PLA2G4A: variants seen among roughly 807,000 people sequenced by gnomAD.
The protein encoded by PLA2G4A is phospholipase A2 group IVA, also known as cytosolic phospholipase A2.
In PLA2G4A, 40 loss-of-function variants were observed where a neutral mutation model predicts 81.9. That is an observed-to-expected ratio of 0.49 (90% confidence interval 0.38 to 0.64). The LOEUF (loss-of-function observed/expected upper bound fraction) is 0.64, where lower values mean the gene tolerates loss of function less well. Among genes scored for constraint, PLA2G4A ranks in the 30% least tolerant of loss-of-function variants. The probability of loss-of-function intolerance (pLI) is 0.00; values close to 1 mark genes in which losing one functional copy is unlikely to be tolerated. For synonymous variants in PLA2G4A, 302 were observed against 296.9 expected (o/e 1.02, Z -0.18); for missense variants, 715 against 905.1 (o/e 0.79, Z 2.69).
intron 5 of PLA2G4A, among the ~76,000 whole-genome samples, chr1:186,896,129 G>A (rs749357225): frequency 6.6e-6 from 1 of 151,924 alleles, no homozygotes; most frequent in African/African-American, 2.4e-5. Context: ...GTGATTAAAA[G>A]TATGTTAATA....
chr1:186,925,755 T>C (rs955710757), intron 7 of PLA2G4A, among the ~76,000 whole-genome samples: 3 of 152,208 alleles, frequency 2.0e-5, no homozygotes, highest in African/African-American at 4.8e-5. Context: ...ATATGAACAT[T>C]CTCTTCTCAG....
At chr1:186,877,790 G>A (rs1309835067) in intron 3 of PLA2G4A, among the ~76,000 whole-genome samples, 1 of 148,252 alleles carries the variant, frequency 6.7e-6, no homozygotes, top group Non-Finnish European at 1.5e-5. Context: ...TTGGATGAAT[G>A]AGTAAAATAT....
At chr1:186,950,400 A>C (rs1656513759) in intron 12 of PLA2G4A, among the ~76,000 whole-genome samples, 2 of 152,186 alleles carry the variant, frequency 1.3e-5, no homozygotes, top group Non-Finnish European at 2.9e-5. Context: ...TATGATAAAC[A>C]TAAAATTATC....
At chr1:186,973,891 G>T (rs1190867919) in intron 15 of PLA2G4A, among the ~76,000 whole-genome samples, 3 of 152,018 alleles carry the variant, frequency 2.0e-5, no homozygotes, top group African/African-American at 7.2e-5. Flanking sequence ...TTACCTACAT[G>T]CTTATATGCC....
intron 1 of PLA2G4A, among the ~76,000 whole-genome samples, chr1:186,847,414 C>T (rs889613492): frequency 1.3e-5 from 2 of 150,414 alleles, no homozygotes; most frequent in South Asian, 2.1e-4. Flanking sequence ...TAATTCTGCC[C>T]GGTTTTGTCA....
chr1:186,939,745 C>G (rs1310896350), intron 9 of PLA2G4A, among the ~76,000 whole-genome samples: 1 of 152,074 alleles, frequency 6.6e-6, no homozygotes, highest in East Asian at 1.9e-4. Context: ...AATTCATTCT[C>G]CAGTTCAGAT....
chr1:186,917,974 C>G lies in PLA2G4A; in HGVS notation c.558+6585C>G, dbSNP rs142911878. ...TAACAATTCTTCAAGTGACTCTTGC[C>G]CTAGGTGAGTGGTTTCGTGCATGGC... is the stretch of plus-strand genomic sequence containing the variant. On this transcript the variant is annotated intron_variant, in intron 7 of 17. Transcript: ENST00000367466. 5.5e-4 allele frequency among the ~76,000 whole-genome samples: 83 copies of G among 152,272 alleles called. 1 individual carries two copies. In the East Asian group the frequency reaches 0.013, roughly 25 times the overall value.
intron 7 of PLA2G4A, among the ~76,000 whole-genome samples, chr1:186,914,855 C>A (rs1304865817): frequency 6.6e-6 from 1 of 152,124 alleles, no homozygotes; most frequent in Non-Finnish European, 1.5e-5. Flanking sequence ...ATTTGAGACT[C>A]TCACTCAATA....
intron 17 of PLA2G4A, among the ~76,000 whole-genome samples, chr1:186,980,696 T>C (rs1330273086): frequency 2.0e-5 from 3 of 152,158 alleles, no homozygotes. Context: ...GCTTGTTTCG[T>C]TTGGCCTGAG....
In PLA2G4A at chr1:186,938,398, A is replaced by G. The variant is rs779143450; in HGVS notation, c.696-610A>G. On this transcript the variant is annotated intron_variant, in intron 8 of 17. Coordinates refer to ENST00000367466, the MANE Select transcript of PLA2G4A (RefSeq NM_024420.3). ...CAGACAAGAGGCTTCGTAAGAAAGC[A>G]TTTACTTTAAAGACTTTATTTCTCT... Among the ~76,000 whole-genome samples the G allele has an allele frequency of 2.7e-3, 411 of 152,246 alleles. 1 individual carries two copies. The highest frequency in any genetic ancestry group is 4.5e-3 in the Non-Finnish European group (308 of 67,982).
At chr1:186,863,334 C>A (rs1439835631) in intron 2 of PLA2G4A, among the ~76,000 whole-genome samples, 2 of 152,108 alleles carry the variant, frequency 1.3e-5, no homozygotes, top group Non-Finnish European at 2.9e-5. Flanking sequence ...TTTTGTTTGA[C>A]ACTTCACTTT....
chr1:186,877,582 C>T (rs559411388), intron 3 of PLA2G4A, among the ~76,000 whole-genome samples: 12 of 151,236 alleles, frequency 7.9e-5, no homozygotes, highest in Non-Finnish European at 1.5e-4. Flanking sequence ...AACACTTTTC[C>T]GAAAACACTT....
At chr1:186,867,769 G>T (rs1405431960) in intron 2 of PLA2G4A, among the ~76,000 whole-genome samples, 1 of 152,042 alleles carries the variant, frequency 6.6e-6, no homozygotes, top group Non-Finnish European at 1.5e-5. Context: ...TCCTTGCCTT[G>T]CTCCTGATCT....
chr1:186,834,539 G>C (rs1282056326), intron 1 of PLA2G4A, among the ~76,000 whole-genome samples: 1 of 152,022 alleles, frequency 6.6e-6, no homozygotes, highest in Non-Finnish European at 1.5e-5. Context: ...AGAAGGCCCA[G>C]GAAGTCCACT....
chr1:186,913,683 C>T (rs948300069), intron 7 of PLA2G4A, among the ~76,000 whole-genome samples: 2 of 152,122 alleles, frequency 1.3e-5, no homozygotes, highest in Admixed American at 6.5e-5. Context: ...TAGTCTTGTA[C>T]ACTCTTGAAT....
Position 186,911,409 on chromosome 1 carries a change from A to G in PLA2G4A, c.558+20A>G. The G allele has an allele frequency of 6.4e-7, 1 of 1,561,638 alleles. No individual in the cohort carries two copies. The highest frequency in any genetic ancestry group is 1.1e-5 in the South Asian group (1 of 90,028). The stretch of plus-strand genomic sequence containing the variant: ...CGTGATGTGAGTTGGAAATTTTTCA[A>G]GTGTTACTATACTTTAATAATAATT... On this transcript the variant is annotated intron_variant, in intron 7 of 17. Transcript: ENST00000367466.
Position 186,911,259 on chromosome 1 carries a change from A to G in PLA2G4A, c.428A>G (p.Asp143Gly). Residue 143 changes from aspartate to glycine, a missense_variant, in exon 7 of 18, where the codon GAC becomes GGC. Physicochemically the swap from Asp to Gly is moderately conservative, Grantham distance 94. Transcript: ENST00000367466. ...EMSLEVCSCP[D>G]LRFSMALCDQ... ...GTTTGGTATTACAGCTCATGCCCAG[A>G]CCTACGATTTAGTATGGCTCTGTGT... 6.2e-7 allele frequency: 1 copy of G among 1,613,500 alleles called. No homozygotes were observed. Among genetic ancestry groups the G allele is most frequent in the Non-Finnish European group, 8.5e-7 (1 of 1,179,412 alleles).
At chr1:186,909,044 G>A (rs1212270409) in intron 6 of PLA2G4A, among the ~76,000 whole-genome samples, 1 of 140,544 alleles carries the variant, frequency 7.1e-6, no homozygotes. Context: ...CGCGATCTCG[G>A]CTCACTGCAA....
At chr1:186,924,989 G>A (rs951224507) in intron 7 of PLA2G4A, among the ~76,000 whole-genome samples, 2 of 151,522 alleles carry the variant, frequency 1.3e-5, no homozygotes, top group Non-Finnish European at 2.9e-5. Context: ...TAGAGGCTGC[G>A]GTGAGCCAAG....
Sources: allele counts gnomAD v4.1 joint callset (sites outside exome capture counted in the v4.1 genomes callset), GRCh38; gene constraint gnomAD v4.1.1; transcripts MANE v1.5; gene names NCBI Gene and HGNC (gene_info 2026-07-23, HGNC 2026-07-21).